The following RAVER2 variants were observed in gnomAD, a reference collection of about 807,000 sequenced individuals.
The protein encoded by RAVER2 is ribonucleoprotein, PTB binding 2.
A neutral mutation model predicts 78.1 loss-of-function variants in RAVER2; 46 were observed. The observed-to-expected ratio is 0.59, with a 90% CI of 0.46 to 0.75. The LOEUF (loss-of-function observed/expected upper bound fraction) is 0.75, where lower values mean the gene tolerates loss of function less well. Among genes scored for constraint, RAVER2 ranks in the 30% least tolerant of loss-of-function variants. The pLI is 0.00. For synonymous variants in RAVER2, 311 were observed against 313.3 expected (o/e 0.99, Z 0.08); for missense variants, 793 against 837.5 (o/e 0.95, Z 0.66).
chr1:64,830,921 A>G (rs972546801), exon 12 of RAVER2: 4 of 1,613,926 alleles, frequency 2.5e-6, no homozygotes, highest in Non-Finnish European at 3.4e-6. Flanking sequence ...TGTGTTGACC[A>G]GCATTCTCAG....
At chr1:64,784,544 A>T (rs1403357281) in intron 4 of RAVER2, among the ~76,000 whole-genome samples, 4 of 152,090 alleles carry the variant, frequency 2.6e-5, no homozygotes, top group Non-Finnish European at 5.9e-5. Context: ...TTCCTGTTAT[A>T]TATGCCTATT....
At chr1:64,771,277 A>G (rs1652310490) in intron 2 of RAVER2, among the ~76,000 whole-genome samples, 1 of 152,080 alleles carries the variant, frequency 6.6e-6, no homozygotes, top group South Asian at 2.1e-4. Context: ...CTTTACCAAA[A>G]TAAACAAAAA....
At chr1:64,832,905 A>G (rs1236406202) in exon 12 of RAVER2, 4 of 153,538 alleles carry the variant, frequency 2.6e-5, no homozygotes, top group African/African-American at 7.3e-5. Context: ...AACAGAAGAA[A>G]GGAAAGATGG....
chr1:64,831,495 C>T (rs1313507484), exon 12 of RAVER2: 2 of 152,392 alleles, frequency 1.3e-5, no homozygotes, highest in African/African-American at 4.8e-5. Context: ...GCTCTACATG[C>T]ACACTCAATT....
chr1:64,829,095 GT>G (rs34977326), intron 11 of RAVER2, among the ~76,000 whole-genome samples: 30,190 of 152,140 alleles, frequency 0.2, 3,183 homozygotes, highest in Admixed American at 0.26. Context: ...TGTGAATGGT[GT>G]TAGCACCATT....
intron 1 of RAVER2, among the ~76,000 whole-genome samples, chr1:64,761,335 C>T (rs1016638575): frequency 6.6e-6 from 1 of 152,246 alleles, no homozygotes; most frequent in African/African-American, 2.4e-5. Context: ...GGGCCCCCCC[C>T]AAAATTCATT....
intron 1 of RAVER2, among the ~76,000 whole-genome samples, chr1:64,757,765 A>G (rs559124766): frequency 6.6e-6 from 1 of 152,098 alleles, no homozygotes; most frequent in South Asian, 2.1e-4. Flanking sequence ...GAGAATATAT[A>G]AATGTGTGTA....
At chr1:64,793,210 G>GA (rs536027103) in intron 5 of RAVER2, among the ~76,000 whole-genome samples, 81 of 148,742 alleles carry the variant, frequency 5.4e-4, no homozygotes, top group South Asian at 1.7e-3. Context: ...CTCAAGAAAA[G>GA]AAAAAAAAAA....
chr1:64,753,523 C>CTTTTTTTTT, intron 1 of RAVER2, among the ~76,000 whole-genome samples: 1 of 100,914 alleles, frequency 9.9e-6, no homozygotes, highest in Non-Finnish European at 1.8e-5. Flanking sequence ...GTATAGAATT[C>CTTTTTTTTT]TTTTTTTTTT....
intron 3 of RAVER2, among the ~76,000 whole-genome samples, chr1:64,778,714 CTAT>C (rs963038466): frequency 9.5e-5 from 14 of 147,922 alleles, no homozygotes; most frequent in African/African-American, 3.2e-4. Context: ...TATATATATA[CTAT>C]ATATAACACT....
intron 11 of RAVER2, among the ~76,000 whole-genome samples, chr1:64,819,730 T>A (rs962474590): frequency 6.6e-6 from 1 of 152,222 alleles, no homozygotes; most frequent in African/African-American, 2.4e-5. Flanking sequence ...GAGATAATCT[T>A]GAGAGCAACC....
At chr1:64,827,687 C>A (rs1156403350) in intron 11 of RAVER2, among the ~76,000 whole-genome samples, 1 of 152,184 alleles carries the variant, frequency 6.6e-6, no homozygotes, top group Admixed American at 6.5e-5. Context: ...CCACTTTGTT[C>A]TGTCTCATCT....
intron 11 of RAVER2, among the ~76,000 whole-genome samples, chr1:64,827,578 G>A (rs1654031818): frequency 6.6e-6 from 1 of 152,206 alleles, no homozygotes; most frequent in African/African-American, 2.4e-5. Context: ...TATTAGACAT[G>A]TAAAACTAGA....
chr1:64,799,944 A>T (rs1239432780), intron 5 of RAVER2, among the ~76,000 whole-genome samples: 1 of 152,024 alleles, frequency 6.6e-6, no homozygotes, highest in African/African-American at 2.4e-5. Flanking sequence ...TGATAATTAG[A>T]ATTAGCTGTT....
intron 5 of RAVER2, among the ~76,000 whole-genome samples, chr1:64,791,616 G>T (rs1433891565): frequency 6.6e-6 from 1 of 152,074 alleles, no homozygotes. Context: ...AGCAGCTTTG[G>T]TAGTTTTCTG....
chr1:64,768,036 T>G (rs1652219882), intron 1 of RAVER2, among the ~76,000 whole-genome samples: 1 of 152,068 alleles, frequency 6.6e-6, no homozygotes. Context: ...GTAGTTAGTT[T>G]TTTTCATATC....
chr1:64,811,137 C>T (rs577457797), intron 9 of RAVER2, among the ~76,000 whole-genome samples: 15 of 152,100 alleles, frequency 9.9e-5, no homozygotes, highest in East Asian at 5.8e-4. Flanking sequence ...TCAAAAGAAA[C>T]GTAAACCAAA....
At chr1:64,759,279 G>A (rs985034203) in intron 1 of RAVER2, among the ~76,000 whole-genome samples, 1 of 151,876 alleles carries the variant, frequency 6.6e-6, no homozygotes, top group Non-Finnish European at 1.5e-5. Context: ...GAGTGCAGTG[G>A]CGCGATCTTG....
chr1:64,765,564 T>TA (rs1421394963), intron 1 of RAVER2, among the ~76,000 whole-genome samples: 1 of 152,024 alleles, frequency 6.6e-6, no homozygotes, highest in Non-Finnish European at 1.5e-5. Context: ...TACAAAACAA[T>TA]ATAATGTTTG....
Sources: allele counts gnomAD v4.1 joint callset (sites outside exome capture counted in the v4.1 genomes callset), GRCh38; gene constraint gnomAD v4.1.1; transcripts MANE v1.5; gene names NCBI Gene and HGNC (gene_info 2026-07-23, HGNC 2026-07-21).